The following ROBO2 variants were observed in gnomAD, a reference collection of about 807,000 sequenced individuals.
ROBO2 encodes roundabout homolog 2.
A neutral mutation model predicts 160.8 loss-of-function variants in ROBO2; 53 were observed. That is an observed-to-expected ratio of 0.33 (90% CI 0.26 to 0.41). The LOEUF (loss-of-function observed/expected upper bound fraction) is 0.41, where lower values mean the gene tolerates loss of function less well. Among genes scored for constraint, ROBO2 ranks in the 10% least tolerant of loss-of-function variants. The pLI is 1.00. For missense variants in ROBO2, 1,577 were observed against 1,722.4 expected (o/e 0.92, Z 1.49); for synonymous variants, 664 against 611.7 (o/e 1.09, Z -1.26).
At chr3:76,516,574 A>G (rs2081358108) in intron 2 of ROBO2, among the ~76,000 whole-genome samples, 1 of 152,090 alleles carries the variant, frequency 6.6e-6, no homozygotes, top group Admixed American at 6.6e-5. Context: ...TTTAAAATTT[A>G]CCAGTGTTCT....
intron 2 of ROBO2, among the ~76,000 whole-genome samples, chr3:77,197,849 A>C (rs2082447283): frequency 6.6e-6 from 1 of 152,168 alleles, no homozygotes; most frequent in African/African-American, 2.4e-5. Flanking sequence ...GAATGTGGAG[A>C]ACCTTCCCCT....
At chr3:77,415,611 G>A (rs911919254) in intron 2 of ROBO2, among the ~76,000 whole-genome samples, 5 of 152,106 alleles carry the variant, frequency 3.3e-5, no homozygotes, top group African/African-American at 4.8e-5. Context: ...TTGGCCCAGT[G>A]GGCTGCACTC....
chr3:76,101,682 T>G (rs953945073), intron 2 of ROBO2, among the ~76,000 whole-genome samples: 1 of 150,548 alleles, frequency 6.6e-6, no homozygotes, highest in African/African-American at 2.4e-5. Context: ...TATCTCCTAA[T>G]GCTATCCCTC....
chr3:76,778,765 A>T (rs2062441353), intron 2 of ROBO2, among the ~76,000 whole-genome samples: 1 of 151,082 alleles, frequency 6.6e-6, no homozygotes, highest in Non-Finnish European at 1.5e-5. Flanking sequence ...CAAGTCCTCC[A>T]ATATCACAGT....
chr3:77,429,115 C>A lies in ROBO2; in HGVS notation c.389-48299C>A, dbSNP rs575970135. Among the ~76,000 whole-genome samples the A allele has an allele frequency of 4.6e-5, 7 of 152,174 alleles. No homozygotes were observed. The South Asian group carries it at 1.4e-3, about 32-fold the overall frequency. On this transcript the variant is annotated intron_variant, in intron 2 of 25. Coordinates refer to ENST00000461745, the Ensembl canonical transcript of ROBO2. ...GACAAAAAAGAGCAAACTTCAGAGTCGTATCCTATTGTGACACAAATCAGC... is the reference window on the plus strand; with the variant it reads ...GACAAAAAAGAGCAAACTTCAGAGTAGTATCCTATTGTGACACAAATCAGC...
At chr3:76,670,779 A>G (rs889028837) in intron 2 of ROBO2, among the ~76,000 whole-genome samples, 4 of 151,664 alleles carry the variant, frequency 2.6e-5, no homozygotes, top group Non-Finnish European at 5.9e-5. Context: ...ATAACTTATA[A>G]ATTTATTAAT....
intron 2 of ROBO2, among the ~76,000 whole-genome samples, chr3:76,109,723 T>C (rs916791003): frequency 1.3e-5 from 2 of 151,980 alleles, no homozygotes; most frequent in African/African-American, 4.8e-5. Context: ...CACATGGCTA[T>C]ATTGCGAAGT....
intron 2 of ROBO2, among the ~76,000 whole-genome samples, chr3:76,096,731 A>G (rs2069467646): frequency 6.6e-6 from 1 of 152,196 alleles, no homozygotes; most frequent in Non-Finnish European, 1.5e-5. Context: ...ACCCAGCAAG[A>G]TAGGTGTTGC....
At chr3:76,439,777 T>G (rs1444766079) in intron 2 of ROBO2, among the ~76,000 whole-genome samples, 2 of 152,038 alleles carry the variant, frequency 1.3e-5, no homozygotes, top group Non-Finnish European at 2.9e-5. Flanking sequence ...GATGAAAGAG[T>G]GAGTTAAATC....
At chr3:75,930,792 T>C (rs1461391409) in intron 1 of ROBO2, among the ~76,000 whole-genome samples, 1 of 152,224 alleles carries the variant, frequency 6.6e-6, no homozygotes, top group African/African-American at 2.4e-5. Flanking sequence ...TTAAAAAATA[T>C]TTTGGTTCCA....
At chr3:77,214,531 C>T (rs2084656990) in intron 2 of ROBO2, among the ~76,000 whole-genome samples, 1 of 152,142 alleles carries the variant, frequency 6.6e-6, no homozygotes, top group Admixed American at 6.6e-5. Context: ...GACTCTTTAT[C>T]GAATTTGCCA....
chr3:77,475,143 A>T (rs544852342), intron 2 of ROBO2, among the ~76,000 whole-genome samples: 1 of 152,280 alleles, frequency 6.6e-6, no homozygotes, highest in African/African-American at 2.4e-5. Flanking sequence ...CACTAAACAC[A>T]AATGGATTTA....
At position 76,383,159 on chromosome 3, in the gene ROBO2, GA is replaced by G. The variant is rs200146093; in HGVS notation, c.109+445565del. Among the ~76,000 whole-genome samples the G allele has an allele frequency of 7.1e-3, 1,075 of 151,758 alleles. 13 individuals carry two copies. Among genetic ancestry groups the G allele is most frequent in the African/African-American group, 0.025 (1,030 of 41,430 alleles). On this transcript the variant is annotated intron_variant, in intron 2 of 26. Coordinates refer to the ROBO2 transcript ENST00000487694. ...AACAGAAAATAGTGTTCTAAAAATA[GA>G]AAAAAAAGAGAATTTTAACATAATT...
At chr3:76,477,630 A>C (rs1351484506) in intron 2 of ROBO2, among the ~76,000 whole-genome samples, 1 of 152,162 alleles carries the variant, frequency 6.6e-6, no homozygotes, top group Admixed American at 6.6e-5. Flanking sequence ...AAATTTTAAA[A>C]GGTAAGATCT....
chr3:76,654,390 A>C (rs1023759783), intron 2 of ROBO2, among the ~76,000 whole-genome samples: 31 of 152,186 alleles, frequency 2.0e-4, no homozygotes, highest in Non-Finnish European at 1.2e-4. Flanking sequence ...TTTTTATTGC[A>C]CACTTGAAGA....
chr3:76,562,448 TC>T (rs2084245685), intron 2 of ROBO2, among the ~76,000 whole-genome samples: 4 of 151,712 alleles, frequency 2.6e-5, no homozygotes, highest in Non-Finnish European at 5.9e-5. Context: ...GATCTCTCTC[TC>T]TCTCTCTCTC....
chr3:76,407,632 A>C (rs1452919984), intron 2 of ROBO2, among the ~76,000 whole-genome samples: 2 of 152,028 alleles, frequency 1.3e-5, no homozygotes, highest in Admixed American at 6.6e-5. Flanking sequence ...ATTGAGGGAA[A>C]TCAGATGGAA....
At chr3:76,732,714 G>C (rs2093655081) in intron 2 of ROBO2, among the ~76,000 whole-genome samples, 1 of 152,214 alleles carries the variant, frequency 6.6e-6, no homozygotes, top group Non-Finnish European at 1.5e-5. Context: ...AGTGTGTAAT[G>C]ATGAGGACTG....
chr3:76,160,850 G>A (rs148146546), intron 2 of ROBO2, among the ~76,000 whole-genome samples: 6 of 152,036 alleles, frequency 3.9e-5, no homozygotes, highest in Admixed American at 3.9e-4. Context: ...GAGATTTCTC[G>A]TGAAATTCAC....
Sources: allele counts gnomAD v4.1 joint callset (sites outside exome capture counted in the v4.1 genomes callset), GRCh38; gene constraint gnomAD v4.1.1; transcripts MANE v1.5; gene names NCBI Gene and HGNC (gene_info 2026-07-23, HGNC 2026-07-21).